The following GTPBP4 variants were observed in gnomAD, a reference collection of about 807,000 sequenced individuals.
GTPBP4 encodes GTP-binding protein 4.
A neutral mutation model predicts 81.7 loss-of-function variants in GTPBP4; 15 were observed. That is an observed-to-expected ratio of 0.18 (90% CI 0.12 to 0.28). GTPBP4 has a LOEUF of 0.28. Among genes scored for constraint, GTPBP4 ranks in the 10% least tolerant of loss-of-function variants. The pLI is 1.00. For synonymous variants in GTPBP4, 272 were observed against 274.6 expected (o/e 0.99, Z 0.09); for missense variants, 847 against 793.8 (o/e 1.07, Z -0.81).
In GTPBP4 at chr10:1,015,864, C is replaced by T. The variant is rs777266905; in HGVS notation, c.1720C>T (p.Pro574Ser). ...VARSGSCSRTPRDVSGLRDVK... is the reference protein window; with the variant it reads ...VARSGSCSRTSRDVSGLRDVK... ...CCGGAGTGGGAGTTGCTCTCGAACTCCACGTGACGTTTCTGGTCTTAGGGA... is the reference window on the plus strand; with the variant it reads ...CCGGAGTGGGAGTTGCTCTCGAACTTCACGTGACGTTTCTGGTCTTAGGGA... Residue 574 changes from proline to serine, a missense_variant, in exon 16 of 17, where the codon CCA becomes TCA. By Grantham distance (74) the Pro-to-Ser change is moderately conservative. Transcript: ENST00000360803. 1.2e-6 allele frequency: 2 copies of T among 1,613,776 alleles called. No individual in the cohort carries two copies. Among genetic ancestry groups the T allele is most frequent in the South Asian group, 2.2e-5 (2 of 91,064 alleles).
chr10:1,009,667 TAA>T (rs1831813797), intron 12 of GTPBP4, 87 bp downstream of exon 12: 1 of 837,696 alleles, frequency 1.2e-6, no homozygotes, highest in South Asian at 1.4e-5. Context: ...TAATAAGTAA[TAA>T]AAGTGTTTCA....
intron 12 of GTPBP4, among the ~76,000 whole-genome samples, chr10:1,009,977 A>G (rs946087978): frequency 2.1e-5 from 3 of 145,384 alleles, no homozygotes; most frequent in African/African-American, 7.4e-5. Context: ...CCTGGACGAC[A>G]GAGTGAGACT....
intron 10 of GTPBP4, chr10:1,008,174 A>G: frequency 2.2e-6 from 1 of 453,646 alleles, no homozygotes; most frequent in Non-Finnish European, 4.4e-6. Context: ...GCACTCTGGG[A>G]GGCCGAGGCG....
At chr10:1,013,664 T>C (rs1357243269) in intron 14 of GTPBP4, among the ~76,000 whole-genome samples, 1 of 152,152 alleles carries the variant, frequency 6.6e-6, no homozygotes, top group Non-Finnish European at 1.5e-5. Context: ...TACAGAAACC[T>C]GACGCAGTCT....
At chr10:996,757 T>TGTG (rs1831544299) in intron 4 of GTPBP4, 1 of 166,814 alleles carries the variant, frequency 6.0e-6, no homozygotes, top group Admixed American at 6.2e-5. Flanking sequence ...TACAGATCTG[T>TGTG]GTGGTCTTCA....
At chr10:1,010,061 G>A (rs576510769) in intron 12 of GTPBP4, among the ~76,000 whole-genome samples, 1 of 151,778 alleles carries the variant, frequency 6.6e-6, no homozygotes, top group South Asian at 2.1e-4. Context: ...TTTTGGGATG[G>A]TGGGGTGATT....
In GTPBP4 at chr10:1,012,642, A is replaced by G; in HGVS notation, c.1522A>G (p.Met508Val). The part of the protein sequence containing the change: ...SKEKNTQGPR[M>V]PRTAKKVQRT... Reference sequence around the variant, plus strand: ...AGAAAAGAATACACAGGGACCCAGGATGCCGCGAACTGCTAAGAAGGCAAG... The same window carrying G: ...AGAAAAGAATACACAGGGACCCAGGGTGCCGCGAACTGCTAAGAAGGCAAG... The change falls in exon 14 of 17, where the codon ATG (methionine) becomes GTG (valine). Residue 508 changes from methionine to valine, a missense_variant. By Grantham distance (21) the Met-to-Val change is conservative. Around this residue, in one of 3 missense-constraint regions of GTPBP4, gnomAD observed 600 missense variants for 557.1 expected, o/e 1.08. Transcript: ENST00000360803. 3 of 1,613,344 alleles carry G rather than the reference A, an allele frequency of 1.9e-6. No homozygotes were observed. The highest frequency in any genetic ancestry group is 1.3e-5 in the African/African-American group (1 of 74,960).
intron 13 of GTPBP4, among the ~76,000 whole-genome samples, chr10:1,011,654 G>T (rs1317266608): frequency 6.6e-6 from 1 of 152,206 alleles, no homozygotes; most frequent in African/African-American, 2.4e-5. Flanking sequence ...CGTGGTCTCT[G>T]TGCTCCCTGT....
chr10:1,013,185 T>C (rs1304359555), intron 14 of GTPBP4, among the ~76,000 whole-genome samples: 4 of 152,052 alleles, frequency 2.6e-5, no homozygotes, highest in Admixed American at 1.3e-4. Context: ...GGTTTCACCA[T>C]GTTGGCCAGG....
intron 1 of GTPBP4, among the ~76,000 whole-genome samples, chr10:990,304 C>T (rs746010113): frequency 2.3e-4 from 35 of 151,928 alleles, no homozygotes; most frequent in Non-Finnish European, 1.5e-4. Context: ...AAAATCACAT[C>T]GGGAAAGTGT....
intron 5 of GTPBP4, among the ~76,000 whole-genome samples, chr10:997,826 G>C (rs74119267): frequency 6.6e-6 from 1 of 152,128 alleles, no homozygotes; most frequent in Non-Finnish European, 1.5e-5. Flanking sequence ...ACATGAAATC[G>C]TATGTGGTCT....
Position 1,018,833 on chromosome 10 carries a change from G to GT in GTPBP4, c.*1611dup, listed in dbSNP as rs1368997780. On this transcript the variant is annotated 3_prime_UTR_variant, in exon 17 of 17. Transcript: ENST00000360803. ...AAAAAAAAAAAAAATACCAGGTCTG[G>GT]TTTTTGAAATTCTTTCTCCGTATTA... is the stretch of plus-strand genomic sequence containing the variant. The GT allele has an allele frequency of 4.0e-5, 6 of 151,692 alleles. No homozygotes were observed. The East Asian group carries it at 1.2e-3, about 29-fold the overall frequency. 9.4% of individuals were successfully genotyped at this position (151,692 alleles called of 1,614,324 possible).
intron 5 of GTPBP4, among the ~76,000 whole-genome samples, chr10:997,540 T>G (rs1413455340): frequency 6.6e-6 from 1 of 152,264 alleles, no homozygotes; most frequent in East Asian, 1.9e-4. Flanking sequence ...GAGCTCCTCT[T>G]GGTGAGGATT....
chr10:1,006,454 C>A (rs546781122), intron 9 of GTPBP4, among the ~76,000 whole-genome samples: 1 of 152,150 alleles, frequency 6.6e-6, no homozygotes, highest in Non-Finnish European at 1.5e-5. Flanking sequence ...GCCTGGCCAA[C>A]GTGGTGAAAC....
intron 10 of GTPBP4, chr10:1,008,509 G>A (rs1432776736): frequency 1.0e-5 from 3 of 296,254 alleles, no homozygotes; most frequent in South Asian, 3.1e-5. Flanking sequence ...GTTGCACTCC[G>A]TTTCAAGTGG....
chr10:1,012,216 A>T (rs1347044239), intron 13 of GTPBP4, among the ~76,000 whole-genome samples: 3 of 152,048 alleles, frequency 2.0e-5, no homozygotes, highest in Non-Finnish European at 4.4e-5. Context: ...TAATTGTTTT[A>T]AAAAAAGGAA....
intron 6 of GTPBP4, among the ~76,000 whole-genome samples, chr10:999,964 AAAAT>A (rs1159054668): frequency 1.3e-5 from 2 of 152,238 alleles, no homozygotes; most frequent in African/African-American, 2.4e-5. Flanking sequence ...TGTCTCAAAA[AAAAT>A]AAATAAATAC....
intron 16 of GTPBP4, among the ~76,000 whole-genome samples, chr10:1,016,111 C>T (rs1310496736): frequency 6.6e-6 from 1 of 152,196 alleles, no homozygotes; most frequent in Admixed American, 6.5e-5. Flanking sequence ...CCCTCCTTGG[C>T]ACTTTGCTTT....
At chr10:1,014,144 T>G in intron 14 of GTPBP4, 103 bp from the exon 15 acceptor site, 1 of 668,216 alleles carries the variant, frequency 1.5e-6, no homozygotes, top group Non-Finnish European at 2.7e-6. Flanking sequence ...AATAAGTATA[T>G]TATAATTGTT....
Sources: gnomAD v4.1 joint callset for allele counts (sites outside exome capture counted in the v4.1 genomes callset) on GRCh38, gnomAD v4.1.1 for gene constraint, gnomAD v4.1.1 regional missense constraint, MANE v1.5 for transcripts, NCBI Gene and HGNC (gene_info 2026-07-23, HGNC 2026-07-21) for gene names.